Variants in LYRM7 observed in about 807,000 individuals in gnomAD.
LYRM7 encodes the protein complex III assembly factor LYRM7.
LYRM7 carries 9 observed loss-of-function variants against 15.8 expected under a neutral mutation model. The ratio of observed to expected loss-of-function variants is 0.57; its 90% CI spans 0.34 to 0.99. The LOEUF (loss-of-function observed/expected upper bound fraction) is 0.99. Among genes scored for constraint, LYRM7 ranks in the 50% least tolerant of loss-of-function variants. The pLI is 0.02. For missense variants in LYRM7, 115 were observed against 119.1 expected (o/e 0.97, Z 0.16); for synonymous variants, 39 against 39.4 (o/e 0.99, Z 0.04).
Position 131,204,846 on chromosome 5 carries a change from C to A in LYRM7, c.*5245C>A, listed in dbSNP as rs1449268612. On this transcript the variant is annotated 3_prime_UTR_variant, in exon 5 of 5. Coordinates refer to ENST00000379380, the MANE Select transcript of LYRM7 (RefSeq NM_181705.4). ...ATATATATGTACAAATGGGTAGAAA[C>A]GATACATGATTAATCTTAATCGGGA... 1 of 151,356 alleles carries A rather than the reference C, an allele frequency of 6.6e-6. No homozygotes were observed. Among genetic ancestry groups the A allele is most frequent in the East Asian group, 1.9e-4 (1 of 5,320 alleles). The allele number at this position is 151,356 out of a possible 1,614,324, so 9.4% of individuals were successfully genotyped here. A position where few individuals can be genotyped will look rare whatever the true frequency, so the allele number is the denominator to read the frequency against.
chr5:131,176,885 G>A (rs925699628), intron 1 of LYRM7, among the ~76,000 whole-genome samples: 4 of 152,112 alleles, frequency 2.6e-5, no homozygotes, highest in Non-Finnish European at 4.4e-5. Flanking sequence ...CAAAGGACAT[G>A]ATTTCATTCT....
At chr5:131,180,006 A>C in intron 1 of LYRM7, 89 bp from the exon 2 acceptor site, 1 of 876,112 alleles carries the variant, frequency 1.1e-6, no homozygotes, top group Non-Finnish European at 1.9e-6. Flanking sequence ...TCCTGGGCTA[A>C]AGCGATCCTG....
At chr5:131,192,052 C>T (rs202066652) in intron 4 of LYRM7, among the ~76,000 whole-genome samples, 13,610 of 149,532 alleles carry the variant, frequency 0.091, 791 homozygotes, top group South Asian at 0.13. Flanking sequence ...CACACACACA[C>T]ACACACACAC....
chr5:131,187,099 C>T lies in LYRM7; in HGVS notation c.234C>T (p.His78=), dbSNP rs761951324. ...TTATACAAGGTATTCACACAGACCA[C>T]AATACACTGAGTAAGTAAAATTAAA... ...TSVIQGIHTD[H]NTLKLVPRKD... Residue 78 remains histidine, a synonymous_variant, in exon 4 of 5, where the codon CAC becomes CAT. Coordinates refer to ENST00000379380, the MANE Select transcript of LYRM7 (RefSeq NM_181705.4). The T allele has an allele frequency of 3.3e-6, 5 of 1,517,790 alleles. No homozygotes were observed. In the African/African-American group the frequency reaches 4.1e-5, roughly 12 times the overall value. The allele number at this position is 1,517,790 out of a possible 1,614,324, so 94.0% of individuals were successfully genotyped here. A position where few individuals can be genotyped will look rare whatever the true frequency, so the allele number is the denominator to read the frequency against.
Position 131,180,712 on chromosome 5 carries a change from C to T in LYRM7, c.91+545C>T, listed in dbSNP as rs553702315. Among the ~76,000 whole-genome samples the T allele has an allele frequency of 2.6e-5, 4 of 152,228 alleles. No individual in the cohort carries two copies. The South Asian group carries it at 8.3e-4, about 32-fold the overall frequency. On this transcript the variant is annotated intron_variant, in intron 2 of 4. Coordinates refer to ENST00000379380, the MANE Select transcript of LYRM7 (RefSeq NM_181705.4). ...AAGAGTGCACCTAGGTAAAGTGTCC[C>T]CACTGTTTCCAGGGATTTAAGTTTT...
At chr5:131,184,271 G>A (rs777756705) in intron 3 of LYRM7, among the ~76,000 whole-genome samples, 1 of 152,066 alleles carries the variant, frequency 6.6e-6, no homozygotes. Flanking sequence ...CCAGCCCCCT[G>A]CAATATGTTT....
At chr5:131,172,310 G>A (rs993679955) in intron 1 of LYRM7, among the ~76,000 whole-genome samples, 1 of 152,228 alleles carries the variant, frequency 6.6e-6, no homozygotes, top group Non-Finnish European at 1.5e-5. Context: ...CTACTCGGGA[G>A]GCTGAGGCAC....
At chr5:131,171,162 T>TA (rs1052308807) in intron 1 of LYRM7, 124 bp downstream of exon 1, 1 of 1,048,128 alleles carries the variant, frequency 9.5e-7, no homozygotes, top group African/African-American at 1.7e-5. Context: ...ATGTGGCTGT[T>TA]ACCCCAGAGA....
chr5:131,174,799 G>A (rs575994117), intron 1 of LYRM7, among the ~76,000 whole-genome samples: 7 of 152,112 alleles, frequency 4.6e-5, no homozygotes, highest in African/African-American at 1.4e-4. Flanking sequence ...AGCCATGATC[G>A]TACCACTGCA....
intron 2 of LYRM7, among the ~76,000 whole-genome samples, chr5:131,180,585 T>C (rs1217663592): frequency 6.6e-6 from 1 of 152,188 alleles, no homozygotes; most frequent in East Asian, 1.9e-4. Flanking sequence ...TATCTCCCTG[T>C]TTTAAGTAGT....
intron 4 of LYRM7, among the ~76,000 whole-genome samples, chr5:131,198,331 G>T (rs1308359884): frequency 6.6e-6 from 1 of 152,084 alleles, no homozygotes; most frequent in Non-Finnish European, 1.5e-5. Flanking sequence ...ATTCCCTGTG[G>T]ACCAGTATCC....
In LYRM7 at chr5:131,204,254, A is replaced by T. The variant is rs927808902; in HGVS notation, c.*4653A>T. The T allele has an allele frequency of 6.6e-6, 1 of 152,072 alleles. No individual in the cohort carries two copies. Among genetic ancestry groups the T allele is most frequent in the Non-Finnish European group, 1.5e-5 (1 of 68,004 alleles). The allele number at this position is 152,072 out of a possible 1,614,324, so 9.4% of individuals were successfully genotyped here. On this transcript the variant is annotated 3_prime_UTR_variant, in exon 5 of 5. Coordinates refer to ENST00000379380, the MANE Select transcript of LYRM7 (RefSeq NM_181705.4). ...TAGGGCCTTTTTGAAAGGAAAATTG[A>T]CATCATCAAAATTTTAAATATATTC... is the stretch of plus-strand genomic sequence containing the variant.
intron 4 of LYRM7, among the ~76,000 whole-genome samples, chr5:131,195,709 GT>G (rs941664252): frequency 6.6e-6 from 1 of 152,162 alleles, no homozygotes; most frequent in Non-Finnish European, 1.5e-5. Flanking sequence ...GTGGCTACTT[GT>G]GCATGGAAAT....
At chr5:131,181,832 T>G (rs890920507) in intron 2 of LYRM7, among the ~76,000 whole-genome samples, 4 of 152,158 alleles carry the variant, frequency 2.6e-5, no homozygotes, top group African/African-American at 9.6e-5. Context: ...TCTGTGTATG[T>G]GTGTATGTAG....
At chr5:131,195,416 C>T (rs1334187707) in intron 4 of LYRM7, among the ~76,000 whole-genome samples, 1 of 152,110 alleles carries the variant, frequency 6.6e-6, no homozygotes, top group Non-Finnish European at 1.5e-5. Flanking sequence ...GATTAAGAGT[C>T]CCATAATTTA....
intron 4 of LYRM7, among the ~76,000 whole-genome samples, chr5:131,189,444 C>CA (rs71000976): frequency 0.31 from 14,242 of 46,164 alleles, 4,603 homozygotes; most frequent in Non-Finnish European, 0.39. Flanking sequence ...CTCCGTCTCC[C>CA]AAAAAAAAAA....
chr5:131,181,148 G>A (rs547520600), intron 2 of LYRM7, among the ~76,000 whole-genome samples: 20 of 148,706 alleles, frequency 1.3e-4, no homozygotes, highest in East Asian at 3.9e-4. Flanking sequence ...AAAATTAGCC[G>A]GGCATGGTGG....
chr5:131,176,681 A>C (rs925834150), intron 1 of LYRM7, among the ~76,000 whole-genome samples: 1 of 152,096 alleles, frequency 6.6e-6, no homozygotes, highest in Non-Finnish European at 1.5e-5. Context: ...CAAATAATGA[A>C]TATTGTACCC....
At chr5:131,187,510 A>T (rs1755817007) in intron 4 of LYRM7, among the ~76,000 whole-genome samples, 1 of 147,792 alleles carries the variant, frequency 6.8e-6, no homozygotes. Context: ...TTTGAGATGG[A>T]GTCTCACTCT....
Sources: gnomAD v4.1 joint callset for allele counts (sites outside exome capture counted in the v4.1 genomes callset) on GRCh38, gnomAD v4.1.1 for gene constraint, MANE v1.5 for transcripts, NCBI Gene and HGNC (gene_info 2026-07-23, HGNC 2026-07-21) for gene names.